Variants in LYST observed in about 807,000 individuals in gnomAD.
LYST encodes the protein lysosomal-trafficking regulator.
Under a neutral mutation model 413.6 loss-of-function variants are expected in LYST, and 192 were observed. That is an observed-to-expected ratio of 0.46 (90% CI 0.41 to 0.52). The LOEUF (loss-of-function observed/expected upper bound fraction) is 0.52, where lower values mean the gene tolerates loss of function less well. Among genes scored for constraint, LYST ranks in the 20% least tolerant of loss-of-function variants. The pLI is 0.00. For missense variants in LYST, 3,815 were observed against 4,499.9 expected, an observed-to-expected ratio of 0.85 and a Z score of 4.35; for synonymous variants, 1,525 against 1,567.3, an observed-to-expected ratio of 0.97 and a Z score of 0.64.
In LYST at chr1:235,759,084, C is replaced by A. The variant is rs752318064; in HGVS notation, c.6769G>T (p.Ala2257Ser). Residue 2257 changes from alanine to serine, a missense_variant, in exon 23 of 53, where the codon GCA becomes TCA. This residue lies in a region of LYST where 771 missense variants were observed against 837.1 expected (regional missense o/e 0.92). Coordinates refer to ENST00000389793, the MANE Select transcript of LYST (RefSeq NM_000081.4). ...GLAFPSQNGS[A>S]AVGRWPSLVD... ...AGACTTGGCCAACGGCCAACAGCTGCAGATCCGTTCTGTGAAGGAAAAGCT... is the reference window on the plus strand; with the variant it reads ...AGACTTGGCCAACGGCCAACAGCTGAAGATCCGTTCTGTGAAGGAAAAGCT... 6.2e-6 allele frequency: 10 copies of A among 1,614,192 alleles called. No individual in the cohort carries two copies. Among genetic ancestry groups the A allele is most frequent in the Admixed American group, 1.7e-5 (1 of 60,016 alleles).
chr1:235,681,321 G>A (rs1659798584), intron 48 of LYST, among the ~76,000 whole-genome samples: 1 of 152,180 alleles, frequency 6.6e-6, no homozygotes, highest in Admixed American at 6.5e-5. Context: ...AGGGTAGGTA[G>A]GGAGCAGGAA....
chr1:235,785,031 A>G (rs1670274326), intron 14 of LYST, among the ~76,000 whole-genome samples: 1 of 152,232 alleles, frequency 6.6e-6, no homozygotes, highest in Non-Finnish European at 1.5e-5. Flanking sequence ...ACTGTAAAGC[A>G]ATCCACAAGC....
At chr1:235,883,639 C>G (rs374781952) in exon 1 of LYST, 1 of 152,646 alleles carries the variant, frequency 6.6e-6, no homozygotes, top group South Asian at 2.1e-4. Context: ...GAAGCCCTTG[C>G]GTTGCTTTTT....
At chr1:235,679,198 G>C (rs947829186) in intron 48 of LYST, among the ~76,000 whole-genome samples, 2 of 152,178 alleles carry the variant, frequency 1.3e-5, no homozygotes, top group Admixed American at 6.5e-5. Context: ...AACAGCAAGA[G>C]TAGTAAGCCT....
At chr1:235,816,668 A>G (rs1318276085) in intron 3 of LYST, among the ~76,000 whole-genome samples, 1 of 152,162 alleles carries the variant, frequency 6.6e-6, no homozygotes, top group Non-Finnish European at 1.5e-5. Flanking sequence ...AAACTACTCT[A>G]TGAGGCTACA....
chr1:235,706,861 A>G (rs1662031479), intron 44 of LYST, among the ~76,000 whole-genome samples: 1 of 152,166 alleles, frequency 6.6e-6, no homozygotes, highest in Admixed American at 6.5e-5. Flanking sequence ...ATAATTATGG[A>G]ACAAAATGAA....
intron 34 of LYST, 136 bp from the exon 35 acceptor site, chr1:235,731,313 G>C (rs1664358645): frequency 1.3e-6 from 1 of 782,130 alleles, no homozygotes; most frequent in Non-Finnish European, 2.2e-6. Context: ...TTATATATTT[G>C]ATCAGGGAAT....
chr1:235,737,824 A>G (rs1664949824), intron 31 of LYST: 3 of 893,416 alleles, frequency 3.4e-6, no homozygotes, highest in East Asian at 8.5e-5. Flanking sequence ...CATTCCAAAA[A>G]TTAATAAACA....
intron 1 of LYST, among the ~76,000 whole-genome samples, chr1:235,862,842 CA>C (rs1680057539): frequency 6.8e-6 from 1 of 147,538 alleles, no homozygotes; most frequent in Non-Finnish European, 1.5e-5. Context: ...CACACACACA[CA>C]CACACCCCTT....
At chr1:235,685,788 T>C (rs1197715747) in intron 48 of LYST, among the ~76,000 whole-genome samples, 2 of 149,520 alleles carry the variant, frequency 1.3e-5, no homozygotes, top group African/African-American at 2.5e-5. Context: ...AGAGATTGCA[T>C]TGAGCCAAGA....
At chr1:235,749,256 A>G (rs182904574) in intron 28 of LYST, among the ~76,000 whole-genome samples, 6 of 152,356 alleles carry the variant, frequency 3.9e-5, no homozygotes, top group African/African-American at 1.4e-4. Context: ...CTTTTAAGTA[A>G]TAGTGGAGAA....
At chr1:235,768,321 T>G (rs1299829843) in intron 20 of LYST, among the ~76,000 whole-genome samples, 2 of 152,040 alleles carry the variant, frequency 1.3e-5, no homozygotes, top group African/African-American at 4.8e-5. Context: ...CCTTATAATC[T>G]CTCCCATATT....
chr1:235,743,135 T>G (rs1270097250), intron 30 of LYST, among the ~76,000 whole-genome samples: 4 of 152,220 alleles, frequency 2.6e-5, no homozygotes, highest in African/African-American at 9.6e-5. Flanking sequence ...AACTACTCTA[T>G]GGGTTTACCA....
At position 235,755,636 on chromosome 1, in the gene LYST, T is replaced by C; in HGVS notation, c.7071A>G (p.Ala2357=). ...IQQGVIKLLD[A]YFARASKEQK... Reference sequence around the variant, plus strand: ...GTTCCTTAGATGCTCTAGCAAAATATGCATCTAATAGCTAAACAAAAAATT... The same window carrying C: ...GTTCCTTAGATGCTCTAGCAAAATACGCATCTAATAGCTAAACAAAAAATT... Residue 2357 remains alanine (A), a synonymous_variant, in exon 25 of 53, where the codon GCA becomes GCG. Transcript: ENST00000389793. 1 of 1,604,202 alleles carries C rather than the reference T, an allele frequency of 6.2e-7. No individual in the cohort carries two copies. The highest frequency in any genetic ancestry group is 8.5e-7 in the Non-Finnish European group (1 of 1,171,204).
chr1:235,737,955 A>AT, intron 31 of LYST: 1,637 of 1,317,602 alleles, frequency 1.2e-3, no homozygotes, highest in Admixed American at 7.7e-3. Context: ...CACCCGCCGG[A>AT]CGTGCATTCT....
intron 3 of LYST, among the ~76,000 whole-genome samples, chr1:235,817,752 C>T (rs539915079): frequency 2.6e-4 from 39 of 152,102 alleles, no homozygotes; most frequent in East Asian, 1.5e-3. Context: ...AAAAAACTAT[C>T]GATTGGGTAC....
At chr1:235,784,033 C>A (rs891473935) in intron 14 of LYST, among the ~76,000 whole-genome samples, 1 of 152,140 alleles carries the variant, frequency 6.6e-6, no homozygotes, top group Non-Finnish European at 1.5e-5. Context: ...CTACGCATTA[C>A]CATGCCCAGC....
At chr1:235,857,174 A>G (rs1679287849) in intron 1 of LYST, among the ~76,000 whole-genome samples, 1 of 152,034 alleles carries the variant, frequency 6.6e-6, no homozygotes. Context: ...CTTGAACAAT[A>G]GGCATAAACC....
rs4006790 is a variant in LYST at position 235,730,567 on chromosome 1, ATGTGTGTG to A, written c.9044+272_9044+279del. ...TATGTGTATATATATACATATTTAT[ATGTGTGTG>A]TGTGTGTGTGTGTGTGTGTGTGTGT... is the stretch of plus-strand genomic sequence containing the variant. On this transcript the variant is annotated intron_variant, in intron 36 of 52. Transcript: ENST00000389793. Among the ~76,000 whole-genome samples the A allele has an allele frequency of 0.061, 8,331 of 137,572 alleles. 679 individuals carry two copies. Among genetic ancestry groups the A allele is most frequent in the African/African-American group, 0.19 (6,960 of 36,778 alleles). 90.3% of individuals were successfully genotyped at this position (137,572 alleles called of 152,430 possible).
Sources: allele counts gnomAD v4.1 joint callset (sites outside exome capture counted in the v4.1 genomes callset), GRCh38; gene constraint gnomAD v4.1.1; regional missense constraint gnomAD v4.1.1; transcripts MANE v1.5; gene names NCBI Gene and HGNC (gene_info 2026-07-23, HGNC 2026-07-21).